Variants in PWWP2A observed in about 807,000 individuals in gnomAD.
PWWP2A encodes the protein PWWP domain-containing protein 2A.
PWWP2A carries 18 observed loss-of-function variants against 48.5 expected under a neutral mutation model. That is an observed-to-expected ratio of 0.37 (90% CI 0.26 to 0.55). The LOEUF is 0.55. Ranked by LOEUF, PWWP2A falls within the 20% of genes least tolerant of loss-of-function variation. The probability of loss-of-function intolerance (pLI) is 0.81; values close to 1 mark genes in which losing one functional copy is unlikely to be tolerated. For missense variants in PWWP2A, 867 were observed against 976.4 expected, an observed-to-expected ratio of 0.89 and a Z score of 1.49; for synonymous variants, 396 against 387.7, an observed-to-expected ratio of 1.02 and a Z score of -0.25.
At chr5:160,045,318 G>C in the PWWP2A span, among the ~76,000 whole-genome samples, 1 of 152,100 alleles carries the variant, frequency 6.6e-6, no homozygotes, top group Non-Finnish European at 1.5e-5. Context: ...TTCCGCATTT[G>C]TTTTTGGATT....
intron 1 of PWWP2A, chr5:160,116,577 C>A (rs1003274803): frequency 4.6e-6 from 3 of 657,288 alleles, no homozygotes; most frequent in Non-Finnish European, 3.8e-6. Context: ...TTTCTAAGCA[C>A]TGATAGCATG....
chr5:160,092,236 G>C lies in PWWP2A; in HGVS notation c.*146C>G. 7.2e-7 allele frequency: 1 copy of C among 1,389,592 alleles called. No individual in the cohort carries two copies. Among genetic ancestry groups the C allele is most frequent in the South Asian group, 1.9e-5 (1 of 53,416 alleles). 86.1% of individuals were successfully genotyped at this position (1,389,592 alleles called of 1,614,324 possible). A position where few individuals can be genotyped will look rare whatever the true frequency, so the allele number is the denominator to read the frequency against. On this transcript the variant is annotated 3_prime_UTR_variant, in exon 2 of 2. Coordinates refer to ENST00000307063, the MANE Select transcript of PWWP2A (RefSeq NM_001130864.2). ...CAGTTTAAGCTCTCAGTCTAAAAAT[G>C]GCTATAAGGTAAGTATTAAAAAGCC...
At chr5:160,057,241 C>T (rs376343670), downstream of PWWP2A, among the ~76,000 whole-genome samples, 3 of 152,216 alleles carry the variant, frequency 2.0e-5, no homozygotes, top group East Asian at 3.9e-4. The surrounding 1 kb of genome is among the most constrained non-coding windows in gnomAD (Gnocchi z 4.4). Context: ...TTTCAGCCCT[C>T]GAATTTACCC....
At chr5:160,083,226 A>C (rs1754370801) in intron 2 of PWWP2A, among the ~76,000 whole-genome samples, 1 of 152,146 alleles carries the variant, frequency 6.6e-6, no homozygotes, top group African/African-American at 2.4e-5. Flanking sequence ...ACCAGGACTC[A>C]CACCAAGATG....
Position 160,092,951 on chromosome 5 carries a change from A to C in PWWP2A, c.1699T>G (p.Tyr567Asp). 2 of 1,552,126 alleles carry C rather than the reference A, an allele frequency of 1.3e-6. No individual in the cohort carries two copies. Among genetic ancestry groups the C allele is most frequent in the South Asian group, 2.4e-5 (2 of 84,100 alleles). The change falls in exon 2 of 2, where the codon TAT (tyrosine) becomes GAT (aspartate). Residue 567 changes from tyrosine (Y) to aspartate (D), a missense_variant. This residue lies in a region of PWWP2A where 382 missense variants were observed against 407.2 expected (regional missense o/e 0.94). Transcript: ENST00000307063. ...KKGSKNNISV[Y>D]MTLNQKKSDS... ...GATTTCTTTTGATTTAGGGTCATAT[A>C]AACAGAGATATTGTTTTTGCTGCCC...
chr5:160,049,395 T>C, the PWWP2A span: 1 of 992,968 alleles, frequency 1.0e-6, no homozygotes, highest in South Asian at 2.2e-5. Flanking sequence ...AGGTATACAC[T>C]TGGCAAATGA....
chr5:160,105,799 C>T lies in PWWP2A; in HGVS notation c.585-11734G>A, dbSNP rs1409065539. ...CAAAAAAAAAAAAAAAAAAAAATTC[C>T]TCAAAGAAAGGTTACCTAACAACTT... On this transcript the variant is annotated intron_variant, in intron 1 of 1. Transcript: ENST00000307063. 8 of 208,256 alleles carry T rather than the reference C, an allele frequency of 3.8e-5. No individual in the cohort carries two copies. The East Asian group carries it at 1.5e-3, about 39-fold the overall frequency. 12.9% of individuals were successfully genotyped at this position (208,256 alleles called of 1,614,324 possible). A position where few individuals can be genotyped will look rare whatever the true frequency, so the allele number is the denominator to read the frequency against.
At chr5:160,104,699 T>A (rs1298583527) in intron 1 of PWWP2A, among the ~76,000 whole-genome samples, 1 of 151,866 alleles carries the variant, frequency 6.6e-6, no homozygotes. Flanking sequence ...CAGCTACTCA[T>A]GAGGCTGGCG....
chr5:160,086,038 T>C lies in PWWP2A; in HGVS notation c.1550-5268A>G, dbSNP rs185025364. On this transcript the variant is annotated intron_variant, in intron 2 of 3. Transcript: ENST00000456329. ...TTCACCATGTTGGCCACGCTGGCCT[T>C]GAACTCCTTAACTCAGGTGATCCGC... Among the ~76,000 whole-genome samples, 211 of 151,622 alleles carry C rather than the reference T, an allele frequency of 1.4e-3. 2 individuals are homozygous for C. The highest frequency in any genetic ancestry group is 0.013 in the South Asian group (61 of 4,806).
At chr5:160,089,749 T>G (rs915522761), downstream of PWWP2A, 2 of 1,210,216 alleles carry the variant, frequency 1.7e-6, no homozygotes, top group African/African-American at 3.2e-5. Context: ...CCACGACTCT[T>G]ACTTAAGCCG....
At chr5:160,046,058 C>A in the PWWP2A span, among the ~76,000 whole-genome samples, 1 of 152,054 alleles carries the variant, frequency 6.6e-6, no homozygotes, top group Admixed American at 6.6e-5. Flanking sequence ...AGGGTTCTTT[C>A]AGAAAACCTT....
At position 160,091,376 on chromosome 5, in the gene PWWP2A, GT is replaced by G. The variant is rs368598091; in HGVS notation, c.*1005del. 180,224 of 795,426 alleles carry G rather than the reference GT, an allele frequency of 0.23. 190 individuals carry two copies. Among genetic ancestry groups the G allele is most frequent in the Non-Finnish European group, 0.24 (161,736 of 671,202 alleles). The allele number at this position is 795,426 out of a possible 1,614,324, so 49.3% of individuals were successfully genotyped here. ...TGATTTTATTTACAGCTTTTTTTTG[GT>G]TTTTTTTTTTTTTTTTACATTTCAG... On this transcript the variant is annotated 3_prime_UTR_variant, in exon 2 of 2. Transcript: ENST00000307063.
chr5:160,048,938 G>A, the PWWP2A span, among the ~76,000 whole-genome samples: 1 of 119,096 alleles, frequency 8.4e-6, no homozygotes, highest in Non-Finnish European at 1.8e-5. Context: ...GTGACAGAGC[G>A]AGACTCCGTC....
At chr5:160,066,300 T>TTTTTTTTTTTC (rs1181612364) in intron 4 of PWWP2A, among the ~76,000 whole-genome samples, 2 of 136,608 alleles carry the variant, frequency 1.5e-5, no homozygotes, top group African/African-American at 5.5e-5. Flanking sequence ...GTTCTCATTT[T>TTTTTTTTTTTC]TTTTTTTTTT....
At chr5:160,108,171 A>G (rs1561695507) in intron 1 of PWWP2A, among the ~76,000 whole-genome samples, 1 of 151,930 alleles carries the variant, frequency 6.6e-6, no homozygotes, top group African/African-American at 2.4e-5. Context: ...CCATAGACAG[A>G]GCAGGGCTAC....
chr5:160,079,546 GCTCACA>G (rs1395509744), intron 3 of PWWP2A, among the ~76,000 whole-genome samples: 1 of 152,050 alleles, frequency 6.6e-6, no homozygotes, highest in African/African-American at 2.4e-5. Context: ...ATAGATTAAG[GCTCACA>G]CAGAACTTTG....
downstream of PWWP2A, among the ~76,000 whole-genome samples, chr5:160,072,166 A>T (rs910029740): frequency 6.6e-6 from 1 of 152,220 alleles, no homozygotes; most frequent in African/African-American, 2.4e-5. Context: ...AGGGAAAGGA[A>T]GCTATAATTT....
intron 1 of PWWP2A, among the ~76,000 whole-genome samples, chr5:160,110,472 C>G (rs1021793468): frequency 6.6e-6 from 1 of 152,126 alleles, no homozygotes; most frequent in African/African-American, 2.4e-5. Flanking sequence ...TTTGGGAGGC[C>G]GCGGCAGATG....
chr5:160,107,801 G>C (rs1383386033), intron 1 of PWWP2A, among the ~76,000 whole-genome samples: 1 of 152,082 alleles, frequency 6.6e-6, no homozygotes, highest in Admixed American at 6.6e-5. Flanking sequence ...AGGAGTCCAA[G>C]AGCAGCGTGG....
Sources: gnomAD v4.1 joint callset for allele counts (sites outside exome capture counted in the v4.1 genomes callset) on GRCh38, gnomAD v4.1.1 for gene constraint, gnomAD v4.1.1 regional missense constraint, Gnocchi (gnomAD v3.1) non-coding constraint, MANE v1.5 for transcripts, NCBI Gene and HGNC (gene_info 2026-07-23, HGNC 2026-07-21) for gene names.